The following NMT2 variants were observed in gnomAD, a reference collection of about 807,000 sequenced individuals.
The protein encoded by NMT2 is glycylpeptide N-tetradecanoyltransferase 2.
NMT2 carries 35 observed loss-of-function variants against 65.4 expected under a neutral mutation model. The ratio of observed to expected loss-of-function variants is 0.54; its 90% CI spans 0.41 to 0.71. NMT2 has a LOEUF of 0.71. Ranked by LOEUF, NMT2 falls within the 30% of genes least tolerant of loss-of-function variation. The pLI, the probability that NMT2 is intolerant of heterozygous loss-of-function variation, is 0.00. For synonymous variants in NMT2, 226 were observed against 231.8 expected (o/e 0.98, Z 0.23); for missense variants, 489 against 611.3 (o/e 0.80, Z 2.11).
chr10:15,160,707 G>T (rs1833158414), intron 1 of NMT2, among the ~76,000 whole-genome samples: 1 of 152,058 alleles, frequency 6.6e-6, no homozygotes, highest in African/African-American at 2.4e-5. Context: ...CTGGGAGGTG[G>T]ACGTTGCAGT....
At chr10:15,114,126 T>TA (rs1845666076) in intron 9 of NMT2, among the ~76,000 whole-genome samples, 1 of 152,216 alleles carries the variant, frequency 6.6e-6, no homozygotes, top group African/African-American at 2.4e-5. Context: ...AGTGATTCCC[T>TA]ACTGCTCTAT....
intron 1 of NMT2, among the ~76,000 whole-genome samples, chr10:15,161,515 C>G (rs1833198343): frequency 1.3e-5 from 2 of 152,110 alleles, no homozygotes; most frequent in Admixed American, 1.3e-4. Flanking sequence ...GCCACCACAC[C>G]TGGCTAATGT....
Position 15,108,208 on chromosome 10 carries a change from C to G in NMT2, c.*987G>C. The G allele has an allele frequency of 1.1e-6, 1 of 943,324 alleles. No homozygotes were observed. The highest frequency in any genetic ancestry group is 1.2e-6 in the Non-Finnish European group (1 of 802,152). The allele number at this position is 943,324 out of a possible 1,614,324, so 58.4% of individuals were successfully genotyped here. On this transcript the variant is annotated 3_prime_UTR_variant, in exon 12 of 12. Coordinates refer to ENST00000378165, the MANE Select transcript of NMT2 (RefSeq NM_004808.3). ...TCTTTCTTTTTTTTTTTTTTTGAGA[C>G]GGAGTCTCACGCTCTGTCACCCAGG...
chr10:15,165,437 CAT>C (rs1833346348), intron 1 of NMT2, among the ~76,000 whole-genome samples: 1 of 152,148 alleles, frequency 6.6e-6, no homozygotes, highest in South Asian at 2.1e-4. Context: ...AATTGCCAAA[CAT>C]TGTTTGAAAA....
chr10:15,129,732 A>G (rs1846209163), intron 7 of NMT2, among the ~76,000 whole-genome samples: 1 of 152,110 alleles, frequency 6.6e-6, no homozygotes, highest in Non-Finnish European at 1.5e-5. Flanking sequence ...AACATGGTGA[A>G]ACCCTGTCTC....
At chr10:15,125,857 G>T (rs1846056604) in intron 8 of NMT2, among the ~76,000 whole-genome samples, 1 of 151,986 alleles carries the variant, frequency 6.6e-6, no homozygotes, top group South Asian at 2.1e-4. Context: ...AGTAGAGATG[G>T]GGTTTCACCA....
At chr10:15,146,144 G>A (rs1331249992) in intron 1 of NMT2, among the ~76,000 whole-genome samples, 1 of 152,152 alleles carries the variant, frequency 6.6e-6, no homozygotes, top group African/African-American at 2.4e-5. Flanking sequence ...GGTCCACAAA[G>A]AAAAGGCTCT....
At chr10:15,157,258 C>A (rs1163667549) in intron 1 of NMT2, among the ~76,000 whole-genome samples, 2 of 152,144 alleles carry the variant, frequency 1.3e-5, no homozygotes, top group African/African-American at 4.8e-5. Flanking sequence ...AAGGTGACAT[C>A]CAAATTCAGT....
At position 15,168,635 on chromosome 10, in the gene NMT2, G is replaced by A; in HGVS notation, c.-23C>T. The A allele has an allele frequency of 6.4e-7, 1 of 1,560,732 alleles. No individual in the cohort carries two copies. The highest frequency in any genetic ancestry group is 8.6e-7 in the Non-Finnish European group (1 of 1,158,620). On this transcript the variant is annotated 5_prime_UTR_variant, in exon 1 of 12. Coordinates refer to ENST00000378165, the MANE Select transcript of NMT2 (RefSeq NM_004808.3). Reference sequence around the variant, plus strand: ...CATCGCGGCGGCGCTGGCTGGGGAGGCGGTGCTCGGGGCCGGGCCGGAGCG... The same window carrying A: ...CATCGCGGCGGCGCTGGCTGGGGAGACGGTGCTCGGGGCCGGGCCGGAGCG...
intron 9 of NMT2, among the ~76,000 whole-genome samples, chr10:15,117,745 C>T (rs1048326870): frequency 1.3e-5 from 2 of 152,168 alleles, no homozygotes; most frequent in Non-Finnish European, 2.9e-5. Context: ...TAACAATGAA[C>T]ATGCAGAAAC....
chr10:15,112,379 C>A (rs1845591401), intron 10 of NMT2, among the ~76,000 whole-genome samples: 1 of 150,048 alleles, frequency 6.7e-6, no homozygotes, highest in Non-Finnish European at 1.5e-5. Flanking sequence ...CAGGCACACA[C>A]CACGAAGCCT....
chr10:15,108,791 A>C lies in NMT2; in HGVS notation c.*404T>G, dbSNP rs1178327907. 9.7e-7 allele frequency: 1 copy of C among 1,034,956 alleles called. No individual in the cohort carries two copies. The highest frequency in any genetic ancestry group is 1.7e-5 in the African/African-American group (1 of 57,594). 64.1% of individuals were successfully genotyped at this position (1,034,956 alleles called of 1,614,324 possible). ...GTTCTGTTACATGGACAAATGTACCATCACTTAAGAAACAGAAATGCAGCA... is the reference window on the plus strand; with the variant it reads ...GTTCTGTTACATGGACAAATGTACCCTCACTTAAGAAACAGAAATGCAGCA... On this transcript the variant is annotated 3_prime_UTR_variant, in exon 12 of 12. Coordinates refer to ENST00000378165, the MANE Select transcript of NMT2 (RefSeq NM_004808.3).
chr10:15,116,709 C>A (rs935513349), intron 9 of NMT2, among the ~76,000 whole-genome samples: 2 of 152,132 alleles, frequency 1.3e-5, no homozygotes, highest in Non-Finnish European at 2.9e-5. Flanking sequence ...AGACACGAAT[C>A]ACCAATATCT....
intron 1 of NMT2, among the ~76,000 whole-genome samples, chr10:15,157,763 G>C (rs1833050032): frequency 6.6e-6 from 1 of 152,108 alleles, no homozygotes; most frequent in South Asian, 2.1e-4. Flanking sequence ...TTAATTCATT[G>C]ACCCATTACA....
chr10:15,131,084 A>G (rs1046703886), intron 6 of NMT2, among the ~76,000 whole-genome samples: 1 of 152,012 alleles, frequency 6.6e-6, no homozygotes, highest in Non-Finnish European at 1.5e-5. Context: ...CACCCACCGC[A>G]CCTGGCCTGA....
intron 1 of NMT2, 138 bp downstream of exon 1, chr10:15,168,365 G>A: frequency 3.0e-6 from 2 of 672,336 alleles, no homozygotes; most frequent in Non-Finnish European, 2.5e-6. Flanking sequence ...CTCACCATGG[G>A]CTCCGCGCCA....
intron 9 of NMT2, among the ~76,000 whole-genome samples, chr10:15,118,519 A>G (rs1347788874): frequency 4.6e-5 from 7 of 152,182 alleles, no homozygotes; most frequent in Non-Finnish European, 8.8e-5. Flanking sequence ...AGCCTGGGCA[A>G]CAAGAGCAAA....
chr10:15,139,401 A>G (rs923606152), intron 2 of NMT2, among the ~76,000 whole-genome samples: 2 of 152,146 alleles, frequency 1.3e-5, no homozygotes, highest in Non-Finnish European at 2.9e-5. Context: ...CTAGTTTCTC[A>G]TAAGTGACCA....
chr10:15,135,120 T>C (rs1447299144), intron 3 of NMT2, among the ~76,000 whole-genome samples, 154 bp downstream of exon 3: 4 of 152,114 alleles, frequency 2.6e-5, no homozygotes, highest in Admixed American at 2.6e-4. Context: ...AGAAGAAAAA[T>C]ATTAGTCTTG....
Sources: gnomAD v4.1 joint callset for allele counts (sites outside exome capture counted in the v4.1 genomes callset) on GRCh38, gnomAD v4.1.1 for gene constraint, MANE v1.5 for transcripts, NCBI Gene and HGNC (gene_info 2026-07-23, HGNC 2026-07-21) for gene names.